Variants in PLPPR1 observed in about 807,000 individuals in gnomAD.
PLPPR1 encodes phospholipid phosphatase related 1.
Under a neutral mutation model 33.1 loss-of-function variants are expected in PLPPR1, and 10 were observed. The ratio of observed to expected loss-of-function variants is 0.30; its 90% CI spans 0.19 to 0.51. The LOEUF (loss-of-function observed/expected upper bound fraction) is 0.51, where lower values mean the gene tolerates loss of function less well. Ranked by LOEUF, PLPPR1 falls within the 20% of genes least tolerant of loss-of-function variation. The pLI, the probability that PLPPR1 is intolerant of heterozygous loss-of-function variation, is 0.97. For missense variants in PLPPR1, 304 were observed against 408.1 expected (o/e 0.74, Z 2.20); for synonymous variants, 151 against 151.0 (o/e 1.00, Z 0.00).
chr9:101,308,212 T>C (rs1330495631), intron 4 of PLPPR1, among the ~76,000 whole-genome samples: 1 of 152,196 alleles, frequency 6.6e-6, no homozygotes, highest in Admixed American at 6.5e-5. Context: ...TATCCTGGAT[T>C]ATCCAGATAT....
intron 2 of PLPPR1, among the ~76,000 whole-genome samples, chr9:101,267,589 C>T (rs1236737350): frequency 1.3e-5 from 2 of 152,110 alleles, no homozygotes; most frequent in Non-Finnish European, 2.9e-5. Context: ...CAGTCAGAAA[C>T]AAGTCATGTG....
chr9:101,149,924 G>A (rs2987749), intron 1 of PLPPR1, among the ~76,000 whole-genome samples: 108,583 of 151,868 alleles, frequency 0.71, 39,275 homozygotes, highest in African/African-American at 0.77. Context: ...AATTATAGGT[G>A]TGTAGGATTC....
At chr9:101,251,190 T>C (rs1827706892) in intron 2 of PLPPR1, among the ~76,000 whole-genome samples, 1 of 152,128 alleles carries the variant, frequency 6.6e-6, no homozygotes, top group Non-Finnish European at 1.5e-5. Context: ...CTCTCCCATG[T>C]GGACCAAGAC....
At chr9:101,137,488 G>T (rs1442547975) in intron 1 of PLPPR1, among the ~76,000 whole-genome samples, 3 of 152,180 alleles carry the variant, frequency 2.0e-5, no homozygotes, top group Admixed American at 6.6e-5. Context: ...TTTGCCTTGG[G>T]TAAATTAGAA....
At chr9:101,119,887 T>G (rs1831158668) in intron 1 of PLPPR1, among the ~76,000 whole-genome samples, 1 of 152,210 alleles carries the variant, frequency 6.6e-6, no homozygotes, top group Non-Finnish European at 1.5e-5. Context: ...TCATCTGTGG[T>G]TTCATACTCA....
At chr9:101,096,692 A>G (rs921306123) in intron 1 of PLPPR1, among the ~76,000 whole-genome samples, 2 of 152,204 alleles carry the variant, frequency 1.3e-5, no homozygotes, top group African/African-American at 4.8e-5. Flanking sequence ...TCTCAGGAAT[A>G]ACATCTGAAT....
intron 2 of PLPPR1, among the ~76,000 whole-genome samples, chr9:101,252,183 C>G (rs928826651): frequency 2.0e-5 from 3 of 152,150 alleles, no homozygotes; most frequent in Non-Finnish European, 4.4e-5. Context: ...TTCCATCCAT[C>G]AGCTGCACTA....
At chr9:101,250,156 A>G (rs978402755) in intron 2 of PLPPR1, among the ~76,000 whole-genome samples, 1 of 151,960 alleles carries the variant, frequency 6.6e-6, no homozygotes, top group Non-Finnish European at 1.5e-5. Context: ...AAAACAGAAG[A>G]TCTAGCTCTT....
At chr9:101,240,639 T>G (rs544779828) in intron 2 of PLPPR1, among the ~76,000 whole-genome samples, 1 of 152,214 alleles carries the variant, frequency 6.6e-6, no homozygotes, top group East Asian at 1.9e-4. Flanking sequence ...TCACGGTTCC[T>G]TCATAAATGC....
intron 7 of PLPPR1, among the ~76,000 whole-genome samples, chr9:101,318,238 G>A (rs543411073): frequency 1.3e-5 from 2 of 152,276 alleles, no homozygotes; most frequent in Admixed American, 1.3e-4. Context: ...ATGACATGCT[G>A]AATCAGAGGT....
intron 2 of PLPPR1, among the ~76,000 whole-genome samples, chr9:101,215,901 C>T (rs149075260): frequency 1.3e-3 from 198 of 152,186 alleles, no homozygotes; most frequent in African/African-American, 4.6e-3. Context: ...TGATGGACAC[C>T]TAGGTTGCTT....
At chr9:101,048,967 A>G (rs1187746588) in intron 1 of PLPPR1, among the ~76,000 whole-genome samples, 1 of 152,226 alleles carries the variant, frequency 6.6e-6, no homozygotes, top group African/African-American at 2.4e-5. Context: ...GAAAAGGCAA[A>G]TAGTCAATAT....
chr9:101,197,955 G>T (rs1334723455), intron 2 of PLPPR1, among the ~76,000 whole-genome samples: 2 of 152,134 alleles, frequency 1.3e-5, no homozygotes, highest in African/African-American at 4.8e-5. Context: ...GACATTCTAT[G>T]TGGTTTTCAC....
At chr9:101,279,607 C>T (rs1828259421) in intron 3 of PLPPR1, among the ~76,000 whole-genome samples, 1 of 152,040 alleles carries the variant, frequency 6.6e-6, no homozygotes, top group Non-Finnish European at 1.5e-5. Context: ...AAAAAATAGT[C>T]ATATCAAGTA....
chr9:101,243,140 T>C (rs1249990980), intron 2 of PLPPR1, among the ~76,000 whole-genome samples: 1 of 151,918 alleles, frequency 6.6e-6, no homozygotes, highest in African/African-American at 2.4e-5. Context: ...GAAGTAGAAA[T>C]GTATGATTCA....
At chr9:101,224,527 A>C (rs1461846756) in intron 2 of PLPPR1, among the ~76,000 whole-genome samples, 2 of 152,192 alleles carry the variant, frequency 1.3e-5, no homozygotes, top group Non-Finnish European at 2.9e-5. Flanking sequence ...CTTCGGAAAG[A>C]AAACACACTA....
At chr9:101,064,190 T>C (rs1266747373) in intron 1 of PLPPR1, among the ~76,000 whole-genome samples, 1 of 152,116 alleles carries the variant, frequency 6.6e-6, no homozygotes, top group African/African-American at 2.4e-5. Flanking sequence ...TTAAAGTAAC[T>C]ATTCCAATTA....
chr9:101,052,474 C>T (rs923452983), intron 1 of PLPPR1, among the ~76,000 whole-genome samples: 7 of 152,126 alleles, frequency 4.6e-5, no homozygotes, highest in Non-Finnish European at 8.8e-5. Flanking sequence ...ATTTTATAAT[C>T]AATAGTGGAA....
At chr9:101,212,010 A>G (rs1826700813) in intron 2 of PLPPR1, among the ~76,000 whole-genome samples, 1 of 152,076 alleles carries the variant, frequency 6.6e-6, no homozygotes, top group Admixed American at 6.6e-5. Context: ...TTCTAACACT[A>G]CATCCTTTGC....
Sources: allele counts gnomAD v4.1 joint callset (sites outside exome capture counted in the v4.1 genomes callset), GRCh38; gene constraint gnomAD v4.1.1; transcripts MANE v1.5; gene names NCBI Gene and HGNC (gene_info 2026-07-23, HGNC 2026-07-21).